Variants in CDH13 observed in about 807,000 individuals in gnomAD.
CDH13 encodes the protein cadherin 13.
In CDH13, 24 loss-of-function variants were observed where a neutral mutation model predicts 63.8. The observed-to-expected ratio is 0.38, with a 90% CI of 0.27 to 0.53. CDH13 has a LOEUF of 0.53. Ranked by LOEUF, CDH13 falls within the 20% of genes least tolerant of loss-of-function variation. The probability of loss-of-function intolerance (pLI) is 0.85; values close to 1 mark genes in which losing one functional copy is unlikely to be tolerated. For missense variants in CDH13, 1,049 were observed against 903.1 expected (o/e 1.16, Z -2.07); for synonymous variants, 503 against 355.3 (o/e 1.42, Z -4.67).
chr16:82,942,887 A>G (rs1374309797), intron 2 of CDH13, among the ~76,000 whole-genome samples: 1 of 152,142 alleles, frequency 6.6e-6, no homozygotes, highest in East Asian at 1.9e-4. Context: ...GCTGAGCTAT[A>G]ATGTGGTGAT....
intron 1 of CDH13, among the ~76,000 whole-genome samples, chr16:82,812,180 G>A (rs1480945557): frequency 6.6e-6 from 1 of 152,088 alleles, no homozygotes; most frequent in Non-Finnish European, 1.5e-5. Flanking sequence ...ACTGGCAGAT[G>A]GCCCCTCTTC....
intron 8 of CDH13, among the ~76,000 whole-genome samples, chr16:83,635,046 G>T (rs910909586): frequency 6.6e-6 from 1 of 152,176 alleles, no homozygotes; most frequent in African/African-American, 2.4e-5. Context: ...CAATAGAGGA[G>T]AAATCCAGTT....
intron 4 of CDH13, among the ~76,000 whole-genome samples, chr16:83,151,943 C>CAA (rs10645879): frequency 0.062 from 6,073 of 98,670 alleles, 139 homozygotes; most frequent in East Asian, 0.16. Flanking sequence ...GCCTGGGCAA[C>CAA]AAAAAAAAAA....
At chr16:83,560,904 C>G (rs547675036) in intron 7 of CDH13, among the ~76,000 whole-genome samples, 1 of 151,942 alleles carries the variant, frequency 6.6e-6, no homozygotes, top group Non-Finnish European at 1.5e-5. Flanking sequence ...GGTTGGCCCC[C>G]CCCCCGCCCC....
chr16:82,934,905 C>G (rs952666232), intron 2 of CDH13, among the ~76,000 whole-genome samples: 19 of 152,294 alleles, frequency 1.2e-4, no homozygotes, highest in African/African-American at 4.1e-4. Context: ...TAGTAAGTTC[C>G]AAACTTTACC....
At chr16:83,557,404 G>A (rs1323505694) in intron 7 of CDH13, among the ~76,000 whole-genome samples, 1 of 152,294 alleles carries the variant, frequency 6.6e-6, no homozygotes, top group African/African-American at 2.4e-5. Flanking sequence ...CTGGTCCGTG[G>A]AAAAATTGCC....
chr16:83,670,763 G>A (rs1914429856), intron 8 of CDH13, 27 bp from the exon 9 acceptor site: 2 of 1,609,900 alleles, frequency 1.2e-6, no homozygotes, highest in Non-Finnish European at 1.7e-6. Context: ...TCAAAATAGT[G>A]ACCATTACCA....
intron 2 of CDH13, among the ~76,000 whole-genome samples, chr16:82,893,111 A>G (rs536921510): frequency 1.3e-5 from 2 of 152,234 alleles, no homozygotes; most frequent in Non-Finnish European, 2.9e-5. Context: ...CCTGAATTCC[A>G]TGTAAATTAG....
At chr16:82,627,848 C>T (rs1176157838) in intron 1 of CDH13, among the ~76,000 whole-genome samples, 1 of 152,266 alleles carries the variant, frequency 6.6e-6, no homozygotes, top group Non-Finnish European at 1.5e-5. Flanking sequence ...CCCTATTGTC[C>T]AGCCAGCTGG....
intron 8 of CDH13, among the ~76,000 whole-genome samples, chr16:83,645,691 C>T (rs1409505688): frequency 6.6e-6 from 1 of 151,982 alleles, no homozygotes; most frequent in Non-Finnish European, 1.5e-5. Context: ...TGCTGACTCC[C>T]AGAAAGGCCA....
At chr16:82,701,109 C>T (rs1266993559) in intron 1 of CDH13, among the ~76,000 whole-genome samples, 1 of 152,010 alleles carries the variant, frequency 6.6e-6, no homozygotes, top group African/African-American at 2.4e-5. Flanking sequence ...ACATTACCAT[C>T]CCCTCAATGT....
Position 83,176,765 on chromosome 16 carries a change from T to G in CDH13, c.484-40580T>G, listed in dbSNP as rs562829359. On this transcript the variant is annotated intron_variant, in intron 4 of 13. Transcript: ENST00000567109. ...AAAAGTCTTTAGTTGCTTGATGAAA[T>G]GGAGGCAGAAGTTTAATCCCTAAGG... 4.6e-5 allele frequency among the ~76,000 whole-genome samples: 7 copies of G among 152,230 alleles called. No homozygotes were observed. The South Asian group carries it at 6.2e-4, about 14-fold the overall frequency.
chr16:82,844,838 G>C (rs1001285449), intron 1 of CDH13: 3 of 149,134 alleles, frequency 2.0e-5, no homozygotes, highest in African/African-American at 7.4e-5. Context: ...TGTATCTTTA[G>C]TGGAGATGGA....
chr16:83,668,998 C>G (rs1392683855), intron 8 of CDH13, among the ~76,000 whole-genome samples: 1 of 152,190 alleles, frequency 6.6e-6, no homozygotes, highest in African/African-American at 2.4e-5. Flanking sequence ...GACTGGGACT[C>G]TATCCTGCTT....
chr16:83,522,445 A>G (rs4468601), intron 7 of CDH13, among the ~76,000 whole-genome samples: 70,604 of 152,054 alleles, frequency 0.46, 16,603 homozygotes, highest in East Asian at 0.58. Flanking sequence ...GGAGTTTCTA[A>G]TCTTAATAAT....
At chr16:83,100,227 G>C (rs1248728255) in intron 3 of CDH13, among the ~76,000 whole-genome samples, 2 of 152,118 alleles carry the variant, frequency 1.3e-5, no homozygotes, top group Non-Finnish European at 2.9e-5. Context: ...TATGTATGGG[G>C]GTGGGGGAGA....
chr16:83,038,594 G>T (rs891273054), intron 3 of CDH13, among the ~76,000 whole-genome samples: 1 of 152,206 alleles, frequency 6.6e-6, no homozygotes, highest in Admixed American at 6.5e-5. Flanking sequence ...CACCAAATCT[G>T]CTGTTTCTCA....
rs2036077135 is a variant in CDH13, at chr16:83,132,040, ACTCTG to A, written c.483+6540_483+6544del. ...CTTAGAGGTCTCACTGCATCCAGAT[ACTCTG>A]TACCTGAGATTTATGCCCACCTATG... On this transcript the variant is annotated intron_variant, in intron 4 of 13. Coordinates refer to ENST00000567109, the MANE Select transcript of CDH13 (RefSeq NM_001257.5). Among the ~76,000 whole-genome samples, 3 of 152,222 alleles carry A rather than the reference ACTCTG, an allele frequency of 2.0e-5. No individual in the cohort carries two copies. In the South Asian group the frequency reaches 6.2e-4, roughly 32 times the overall value.
At chr16:82,849,664 T>A (rs2039400697) in intron 1 of CDH13, among the ~76,000 whole-genome samples, 1 of 152,194 alleles carries the variant, frequency 6.6e-6, no homozygotes, top group Non-Finnish European at 1.5e-5. Context: ...TGGATGAAGA[T>A]CCCATCTAGG....
Sources: gnomAD v4.1 joint callset for allele counts (sites outside exome capture counted in the v4.1 genomes callset) on GRCh38, gnomAD v4.1.1 for gene constraint, MANE v1.5 for transcripts, NCBI Gene and HGNC (gene_info 2026-07-23, HGNC 2026-07-21) for gene names.